Variants in KIAA1217 observed in about 807,000 individuals in gnomAD.
KIAA1217 encodes the protein KIAA1217.
A neutral mutation model predicts 163.9 loss-of-function variants in KIAA1217; 88 were observed. That is an observed-to-expected ratio of 0.54 (90% CI 0.45 to 0.64). KIAA1217 has a LOEUF of 0.64. Ranked by LOEUF, KIAA1217 falls within the 30% of genes least tolerant of loss-of-function variation. The pLI, the probability that KIAA1217 is intolerant of heterozygous loss-of-function variation, is 0.00. For synonymous variants in KIAA1217, 903 were observed against 923.1 expected, an observed-to-expected ratio of 0.98 and a Z score of 0.39; for missense variants, 2,372 against 2,475.0, an observed-to-expected ratio of 0.96 and a Z score of 0.88.
At position 23,958,818 on chromosome 10, in the gene KIAA1217, T is replaced by A. The variant is rs149692287; in HGVS notation, c.-320-48407T>A. ...TGGAAGCTCTTTTTATTTCTTGCTA[T>A]CTTTCATCTCTGCTGTACTTTGGGC... On this transcript the variant is annotated intron_variant, in intron 1 of 18. Coordinates refer to the KIAA1217 transcript ENST00000376462. Among the ~76,000 whole-genome samples the A allele has an allele frequency of 9.0e-3, 1,361 of 151,992 alleles. 13 individuals are homozygous for A. The highest frequency in any genetic ancestry group is 0.017 in the Middle Eastern group (5 of 294).
intron 2 of KIAA1217, among the ~76,000 whole-genome samples, chr10:24,143,713 A>T (rs1351411327): frequency 1.3e-5 from 2 of 151,658 alleles, no homozygotes; most frequent in Middle Eastern, 3.2e-3. Context: ...CCAGGGTGTG[A>T]TTGGTTTTAC....
chr10:24,061,282 ACTT>A (rs141293701), intron 2 of KIAA1217, among the ~76,000 whole-genome samples: 3,898 of 152,080 alleles, frequency 0.026, 176 homozygotes, highest in African/African-American at 0.087. Flanking sequence ...CTACACTTTT[ACTT>A]CTTCTCCCCT....
chr10:23,930,513 A>G (rs1843214955), intron 1 of KIAA1217, among the ~76,000 whole-genome samples: 5 of 152,122 alleles, frequency 3.3e-5, no homozygotes, highest in Non-Finnish European at 5.9e-5. Flanking sequence ...TCACATTCGA[A>G]TGTTTCTAAA....
intron 1 of KIAA1217, among the ~76,000 whole-genome samples, chr10:23,774,577 G>A (rs1247776241): frequency 3.3e-5 from 5 of 152,294 alleles, no homozygotes; most frequent in African/African-American, 9.6e-5. Flanking sequence ...GAAATGCATG[G>A]TAGATGTGAG....
At chr10:23,742,980 C>G (rs879846209) in intron 1 of KIAA1217, among the ~76,000 whole-genome samples, 12 of 152,152 alleles carry the variant, frequency 7.9e-5, no homozygotes, top group Admixed American at 1.3e-4. Flanking sequence ...GCAGAATGTG[C>G]AGGCTGCCCA....
At chr10:24,465,024 G>A (rs150821035) in intron 5 of KIAA1217, among the ~76,000 whole-genome samples, 76 of 152,246 alleles carry the variant, frequency 5.0e-4, no homozygotes, top group Middle Eastern at 3.4e-3. Context: ...TGATAGGGGC[G>A]GCATCGTGGC....
At chr10:24,279,496 T>C (rs1415472901) in intron 2 of KIAA1217, among the ~76,000 whole-genome samples, 1 of 152,142 alleles carries the variant, frequency 6.6e-6, no homozygotes, top group African/African-American at 2.4e-5. Flanking sequence ...TGGAAAATTT[T>C]CCCTAGAAAA....
intron 5 of KIAA1217, among the ~76,000 whole-genome samples, chr10:24,455,459 A>G (rs1482763483): frequency 6.6e-6 from 1 of 152,238 alleles, no homozygotes; most frequent in Non-Finnish European, 1.5e-5. Flanking sequence ...GCATTATTAC[A>G]AGATAAATGT....
At chr10:24,217,784 C>A (rs980425973) in intron 1 of KIAA1217, among the ~76,000 whole-genome samples, 8 of 152,184 alleles carry the variant, frequency 5.3e-5, no homozygotes, top group Non-Finnish European at 1.2e-4. Context: ...TATTTTTCTG[C>A]ACTTAACTTG....
chr10:23,824,658 A>AATATATATATATAT (rs1199680251), intron 1 of KIAA1217, among the ~76,000 whole-genome samples: 3 of 53,054 alleles, frequency 5.7e-5, no homozygotes, highest in African/African-American at 1.9e-4. Context: ...AAATAAAAAA[A>AATATATATATATAT]ATATATATAT....
At chr10:24,138,896 T>C (rs10828604) in intron 2 of KIAA1217, among the ~76,000 whole-genome samples, 112,180 of 152,058 alleles carry the variant, frequency 0.74, 41,694 homozygotes, top group Middle Eastern at 0.8. Flanking sequence ...CATGTGACAT[T>C]ATGGTGTAGC....
intron 2 of KIAA1217, among the ~76,000 whole-genome samples, chr10:24,067,076 C>T (rs978336675): frequency 3.9e-5 from 6 of 152,034 alleles, no homozygotes; most frequent in East Asian, 1.9e-4. Context: ...AACTTCTTTG[C>T]CATTGGTTTG....
At chr10:24,512,855 C>G (rs1365099895) in intron 9 of KIAA1217, among the ~76,000 whole-genome samples, 2 of 152,068 alleles carry the variant, frequency 1.3e-5, no homozygotes, top group Non-Finnish European at 2.9e-5. Flanking sequence ...AAATGAAGAC[C>G]AAGGGAGTCT....
At position 23,810,677 on chromosome 10, in the gene KIAA1217, T is replaced by C. The variant is rs550250746; in HGVS notation, c.-321+115443T>C. 7.4e-4 allele frequency among the ~76,000 whole-genome samples: 95 copies of C among 128,540 alleles called. 2 individuals carry two copies. The highest frequency in any genetic ancestry group is 3.6e-3 in the Admixed American group (43 of 11,824). 84.3% of individuals were successfully genotyped at this position (128,540 alleles called of 152,430 possible). On this transcript the variant is annotated intron_variant, in intron 1 of 18. Coordinates refer to the KIAA1217 transcript ENST00000376462. ...ATATATATAATTAATCTATATATAGTATGCTATATATAGTATACTATATTA... is the reference window on the plus strand; with the variant it reads ...ATATATATAATTAATCTATATATAGCATGCTATATATAGTATACTATATTA...
intron 2 of KIAA1217, among the ~76,000 whole-genome samples, chr10:24,185,814 A>T (rs2066402126): frequency 6.6e-6 from 1 of 151,828 alleles, no homozygotes; most frequent in Admixed American, 6.6e-5. Context: ...AAATTGCAAA[A>T]CTTAGCGGAA....
At chr10:24,104,738 G>C (rs2062555121) in intron 2 of KIAA1217, among the ~76,000 whole-genome samples, 1 of 152,196 alleles carries the variant, frequency 6.6e-6, no homozygotes, top group South Asian at 2.1e-4. Flanking sequence ...CAGTAGAAGA[G>C]GCTGTGCACA....
At chr10:24,507,967 A>G (rs546340119) in intron 9 of KIAA1217, among the ~76,000 whole-genome samples, 1 of 152,366 alleles carries the variant, frequency 6.6e-6, no homozygotes, top group African/African-American at 2.4e-5. Flanking sequence ...ACGTCTTTAA[A>G]GTATTGAAAG....
intron 2 of KIAA1217, among the ~76,000 whole-genome samples, chr10:24,015,762 A>T (rs1204605987): frequency 6.6e-6 from 1 of 151,842 alleles, no homozygotes; most frequent in Non-Finnish European, 1.5e-5. Context: ...CTCAAAAAAA[A>T]AAAAAGAAAA....
chr10:23,861,962 G>A (rs1332859032), intron 1 of KIAA1217, among the ~76,000 whole-genome samples: 1 of 152,162 alleles, frequency 6.6e-6, no homozygotes, highest in African/African-American at 2.4e-5. Flanking sequence ...GTGGCAATTT[G>A]TTATGACAGC....
Sources: gnomAD v4.1 joint callset for allele counts (sites outside exome capture counted in the v4.1 genomes callset) on GRCh38, gnomAD v4.1.1 for gene constraint, MANE v1.5 for transcripts, NCBI Gene and HGNC (gene_info 2026-07-23, HGNC 2026-07-21) for gene names.